ITPK1: variants seen among roughly 807,000 people sequenced by gnomAD.
ITPK1 encodes inositol 1,3,4-trisphosphate 5/6-kinase.
A neutral mutation model predicts 45.3 loss-of-function variants in ITPK1; 21 were observed. That is an observed-to-expected ratio of 0.46 (90% CI 0.33 to 0.67). ITPK1 has a LOEUF of 0.67. Among genes scored for constraint, ITPK1 ranks in the 30% least tolerant of loss-of-function variants. ITPK1 has a pLI of 0.02. For synonymous variants in ITPK1, 258 were observed against 253.6 expected (o/e 1.02, Z -0.16); for missense variants, 474 against 573.5 (o/e 0.83, Z 1.77).
rs146136815 is a variant in ITPK1, at chr14:92,972,158, C to T, written c.365-9309G>A. Reference sequence around the variant, plus strand: ...AGCTCCCAGCAAGGCGTCCATGCCCCGCGAGTGAAGCCCACAGCCTTTCCA... The same window carrying T: ...AGCTCCCAGCAAGGCGTCCATGCCCTGCGAGTGAAGCCCACAGCCTTTCCA... On this transcript the variant is annotated intron_variant, in intron 5 of 10. Transcript: ENST00000267615. Among the ~76,000 whole-genome samples the T allele has an allele frequency of 4.3e-3, 650 of 152,338 alleles. 4 individuals carry two copies. The highest frequency in any genetic ancestry group is 0.014 in the African/African-American group (591 of 41,584).
chr14:92,962,077 C>T (rs977072571), intron 7 of ITPK1, among the ~76,000 whole-genome samples: 2 of 152,260 alleles, frequency 1.3e-5, no homozygotes, highest in Non-Finnish European at 1.5e-5. Flanking sequence ...GCCACAGCTA[C>T]GACAGGCTCC....
chr14:93,019,676 A>G (rs1007693853), intron 3 of ITPK1, among the ~76,000 whole-genome samples: 1 of 152,088 alleles, frequency 6.6e-6, no homozygotes, highest in African/African-American at 2.4e-5. Flanking sequence ...TCCCCTGAAC[A>G]CACTGCAAAC....
intron 4 of ITPK1, 58 bp from the exon 5 acceptor site, chr14:92,994,055 C>A (rs182392486): frequency 9.3e-7 from 1 of 1,072,448 alleles, no homozygotes; most frequent in Non-Finnish European, 1.5e-6. Context: ...TAGCAACTCA[C>A]CCCTCGCGCC....
At chr14:93,102,370 C>T (rs761270295) in intron 2 of ITPK1, among the ~76,000 whole-genome samples, 2 of 152,286 alleles carry the variant, frequency 1.3e-5, no homozygotes, top group Non-Finnish European at 2.9e-5. Context: ...CCCAATGCCG[C>T]GGGACACACC....
intron 2 of ITPK1, among the ~76,000 whole-genome samples, chr14:93,103,927 C>A (rs866541302): frequency 2.6e-5 from 4 of 152,180 alleles, no homozygotes; most frequent in African/African-American, 4.8e-5. Flanking sequence ...ACTGGAGGAT[C>A]CCCCAGAAAA....
intron 3 of ITPK1, among the ~76,000 whole-genome samples, chr14:93,033,806 G>C (rs1465019371): frequency 5.3e-5 from 8 of 152,192 alleles, no homozygotes; most frequent in Non-Finnish European, 1.2e-4. Context: ...TGTGCATGTG[G>C]GTGTGTGGTG....
chr14:93,088,180 C>T (rs964131625), intron 2 of ITPK1, among the ~76,000 whole-genome samples: 7 of 152,184 alleles, frequency 4.6e-5, no homozygotes, highest in African/African-American at 1.7e-4. Context: ...TCTCGTTCCC[C>T]ACCCAGGCCT....
At chr14:92,951,135 C>G (rs1223137496) in intron 9 of ITPK1, among the ~76,000 whole-genome samples, 1 of 152,260 alleles carries the variant, frequency 6.6e-6, no homozygotes, top group Non-Finnish European at 1.5e-5. Flanking sequence ...AGAAGAGCAG[C>G]ACACATGCAT....
chr14:93,015,121 C>T (rs1359478006), intron 4 of ITPK1, among the ~76,000 whole-genome samples: 1 of 152,204 alleles, frequency 6.6e-6, no homozygotes, highest in African/African-American at 2.4e-5. Context: ...GCTGGGACCA[C>T]ACCCCAGGAC....
Position 92,941,066 on chromosome 14 carries a change from G to C in ITPK1, c.*495C>G, listed in dbSNP as rs1021273614. On this transcript the variant is annotated 3_prime_UTR_variant, in exon 11 of 11. Coordinates refer to ENST00000267615, the MANE Select transcript of ITPK1 (RefSeq NM_014216.6). ...GCTAACAAAGCCTTGGTGGAGACCA[G>C]TAGGAGGAAAAACAAGGAAGGGGCA... The C allele has an allele frequency of 2.4e-5, 29 of 1,205,010 alleles. No individual in the cohort carries two copies. In the African/African-American group the frequency reaches 3.2e-4, roughly 13 times the overall value. 74.6% of individuals were successfully genotyped at this position (1,205,010 alleles called of 1,614,324 possible). A position where few individuals can be genotyped will look rare whatever the true frequency, so the allele number is the denominator to read the frequency against.
At chr14:93,041,958 C>A (rs953757597) in intron 3 of ITPK1, among the ~76,000 whole-genome samples, 1 of 152,152 alleles carries the variant, frequency 6.6e-6, no homozygotes, top group Admixed American at 6.5e-5. Flanking sequence ...CCTATCTCAC[C>A]CAGCCTGTGT....
chr14:93,023,595 A>T (rs1888578143), intron 3 of ITPK1, among the ~76,000 whole-genome samples: 1 of 152,186 alleles, frequency 6.6e-6, no homozygotes, highest in Admixed American at 6.5e-5. Flanking sequence ...GGAAGGATGG[A>T]AGGGAAGGGA....
chr14:93,051,324 AAG>A (rs1331491142), intron 3 of ITPK1, among the ~76,000 whole-genome samples: 2 of 152,240 alleles, frequency 1.3e-5, no homozygotes, highest in African/African-American at 2.4e-5. Flanking sequence ...AACACAGATC[AAG>A]AGAGAGTGGC....
At chr14:93,082,313 T>C (rs1891469370) in intron 2 of ITPK1, among the ~76,000 whole-genome samples, 1 of 152,164 alleles carries the variant, frequency 6.6e-6, no homozygotes, top group Non-Finnish European at 1.5e-5. Context: ...ACCGTGGTGG[T>C]GCCAGGAAGT....
Position 93,034,617 on chromosome 14 carries a change from T to TGCATGAAGGTGGG in ITPK1, c.121-17829_121-17817dup, listed in dbSNP as rs1169239936. The stretch of plus-strand genomic sequence containing the variant: ...GGGGCCCCTGGGACCTCCCACATCC[T>TGCATGAAGGTGGG]GCATGAAGGTGGGGACTCAGTGAAA... On this transcript the variant is annotated intron_variant, in intron 3 of 10. Transcript: ENST00000267615. The surrounding 1 kb of genome is among the most constrained non-coding windows in gnomAD (Gnocchi z 4.1). Among the ~76,000 whole-genome samples, 4 of 152,206 alleles carry TGCATGAAGGTGGG rather than the reference T, an allele frequency of 2.6e-5. No individual in the cohort carries two copies. Among genetic ancestry groups the TGCATGAAGGTGGG allele is most frequent in the African/African-American group, 9.6e-5 (4 of 41,466 alleles).
chr14:92,989,723 G>A (rs1441431354), intron 5 of ITPK1, among the ~76,000 whole-genome samples: 2 of 152,208 alleles, frequency 1.3e-5, no homozygotes, highest in Non-Finnish European at 2.9e-5. Flanking sequence ...TTTCTAGGAA[G>A]AATTAAGTGC....
intron 3 of ITPK1, among the ~76,000 whole-genome samples, chr14:93,026,170 T>A (rs1888719987): frequency 2.0e-5 from 3 of 152,168 alleles, no homozygotes; most frequent in Non-Finnish European, 2.9e-5. Flanking sequence ...ATGTATCAAT[T>A]TAAGGAAAAC....
At chr14:93,039,303 CCTT>C (rs1434617159) in intron 3 of ITPK1, among the ~76,000 whole-genome samples, 3 of 152,210 alleles carry the variant, frequency 2.0e-5, no homozygotes, top group African/African-American at 4.8e-5. Context: ...TGTTCTCTCT[CCTT>C]CTCAGCTACT....
At chr14:92,983,793 G>A (rs1886350628) in intron 5 of ITPK1, among the ~76,000 whole-genome samples, 1 of 151,584 alleles carries the variant, frequency 6.6e-6, no homozygotes, top group Admixed American at 6.6e-5. Context: ...AATATGCAGG[G>A]AGCTGTTTAC....
Sources: allele counts gnomAD v4.1 joint callset (sites outside exome capture counted in the v4.1 genomes callset), GRCh38; gene constraint gnomAD v4.1.1; non-coding constraint Gnocchi (gnomAD v3.1); transcripts MANE v1.5; gene names NCBI Gene and HGNC (gene_info 2026-07-23, HGNC 2026-07-21).